B3GALT1: variants seen among roughly 807,000 people sequenced by gnomAD.
The protein encoded by B3GALT1 is UDP-Gal:betaGlcNAc beta 1,3-galactosyltransferase, polypeptide 1.
Under a neutral mutation model 23.2 loss-of-function variants are expected in B3GALT1, and 10 were observed. The ratio of observed to expected loss-of-function variants is 0.43; its 90% CI spans 0.27 to 0.73. The LOEUF is 0.73. Among genes scored for constraint, B3GALT1 ranks in the 30% least tolerant of loss-of-function variants. The pLI is 0.21. For missense variants in B3GALT1, 299 were observed against 405.4 expected (o/e 0.74, Z 2.25); for synonymous variants, 156 against 141.5 (o/e 1.10, Z -0.73).
chr2:167,809,226 C>T (rs1180340797), intron 3 of B3GALT1, among the ~76,000 whole-genome samples: 4 of 152,044 alleles, frequency 2.6e-5, no homozygotes, highest in Non-Finnish European at 5.9e-5. Flanking sequence ...GCCATGGGTT[C>T]GAAATTCCTC....
intron 3 of B3GALT1, chr2:167,716,067 G>A (rs1687140192): frequency 6.4e-7 from 1 of 1,572,946 alleles, no homozygotes; most frequent in Non-Finnish European, 8.7e-7. Context: ...CTCCTCCATA[G>A]CGCCAAGCTG....
chr2:167,868,658 G>T (rs1690281345), intron 4 of B3GALT1, among the ~76,000 whole-genome samples, 153 bp from the exon 5 acceptor site: 1 of 152,064 alleles, frequency 6.6e-6, no homozygotes, highest in Non-Finnish European at 1.5e-5. Context: ...AAGGGGAGAT[G>T]GTTATGACAG....
intron 2 of B3GALT1, among the ~76,000 whole-genome samples, chr2:167,528,453 C>A (rs914609757): frequency 6.6e-6 from 1 of 152,140 alleles, no homozygotes; most frequent in Non-Finnish European, 1.5e-5. Flanking sequence ...CTGTTTATTT[C>A]CTGTAAAGCA....
intron 2 of B3GALT1, among the ~76,000 whole-genome samples, chr2:167,617,210 C>T (rs1218000555): frequency 6.6e-6 from 1 of 152,090 alleles, no homozygotes. Flanking sequence ...TCACATTCAT[C>T]ATCCACATTA....
At chr2:167,831,731 A>T (rs1449010355) in intron 4 of B3GALT1, among the ~76,000 whole-genome samples, 1 of 152,214 alleles carries the variant, frequency 6.6e-6, no homozygotes, top group Non-Finnish European at 1.5e-5. Context: ...AACACAGAGA[A>T]ATATAAATGA....
chr2:167,623,498 A>C (rs548642083), intron 2 of B3GALT1, among the ~76,000 whole-genome samples: 23 of 152,092 alleles, frequency 1.5e-4, no homozygotes, highest in Non-Finnish European at 3.1e-4. Flanking sequence ...AAACTTACAA[A>C]AGAACAGAAA....
chr2:167,595,460 A>AT (rs1181475395), intron 2 of B3GALT1, among the ~76,000 whole-genome samples: 2 of 152,192 alleles, frequency 1.3e-5, no homozygotes, highest in East Asian at 3.8e-4. Context: ...GTTGGATAAA[A>AT]TTTTGAAATA....
chr2:167,516,186 T>G (rs1187803254), intron 2 of B3GALT1, among the ~76,000 whole-genome samples: 3 of 152,104 alleles, frequency 2.0e-5, no homozygotes, highest in Non-Finnish European at 1.5e-5. Flanking sequence ...AACATAATTT[T>G]TTTTCTGCTA....
chr2:167,843,020 CA>C, intron 4 of B3GALT1, among the ~76,000 whole-genome samples: 1 of 152,282 alleles, frequency 6.6e-6, no homozygotes, highest in East Asian at 1.9e-4. Context: ...AGCAGTGATA[CA>C]GCTAGTAAAT....
chr2:167,732,254 T>G (rs904366474), intron 3 of B3GALT1, among the ~76,000 whole-genome samples: 1 of 152,180 alleles, frequency 6.6e-6, no homozygotes, highest in Non-Finnish European at 1.5e-5. Context: ...AAATTGGACA[T>G]GTGGATAAGC....
At chr2:167,657,121 G>C (rs941465525) in intron 3 of B3GALT1, among the ~76,000 whole-genome samples, 2 of 152,120 alleles carry the variant, frequency 1.3e-5, no homozygotes, top group Admixed American at 1.3e-4. Flanking sequence ...TGTGCTTACT[G>C]GGGAGTGCAG....
chr2:167,321,455 A>T (rs1477006401), intron 1 of B3GALT1, among the ~76,000 whole-genome samples: 1 of 152,026 alleles, frequency 6.6e-6, no homozygotes, highest in Non-Finnish European at 1.5e-5. Context: ...AACAGCTTTG[A>T]ATTCCACCTC....
intron 1 of B3GALT1, among the ~76,000 whole-genome samples, chr2:167,443,644 G>C (rs866450109): frequency 2.6e-5 from 4 of 152,154 alleles, no homozygotes; most frequent in Admixed American, 1.3e-4. Context: ...TTGTGAATGG[G>C]AGTTCACTCA....
chr2:167,845,165 T>C (rs1304278693), intron 4 of B3GALT1, among the ~76,000 whole-genome samples: 3 of 152,076 alleles, frequency 2.0e-5, no homozygotes, highest in Non-Finnish European at 4.4e-5. Context: ...CCCACCCTGG[T>C]AGCTGAAGAC....
At chr2:167,433,015 T>G (rs1295518684) in intron 1 of B3GALT1, among the ~76,000 whole-genome samples, 1 of 152,234 alleles carries the variant, frequency 6.6e-6, no homozygotes, top group Non-Finnish European at 1.5e-5. Flanking sequence ...TATAATGATA[T>G]GTATCTAGCA....
At chr2:167,566,964 A>G (rs1199948523) in intron 2 of B3GALT1, among the ~76,000 whole-genome samples, 1 of 152,234 alleles carries the variant, frequency 6.6e-6, no homozygotes, top group Non-Finnish European at 1.5e-5. Context: ...AGAGATTCCA[A>G]TACCTCTTGC....
chr2:167,792,952 T>C (rs1238205937), intron 3 of B3GALT1, among the ~76,000 whole-genome samples: 1 of 151,680 alleles, frequency 6.6e-6, no homozygotes, highest in East Asian at 1.9e-4. Flanking sequence ...CTCACTTATG[T>C]GGTTCTGGGA....
intron 3 of B3GALT1, among the ~76,000 whole-genome samples, chr2:167,762,557 A>AC (rs1687912594): frequency 6.6e-6 from 1 of 151,564 alleles, no homozygotes; most frequent in Non-Finnish European, 1.5e-5. Context: ...CTTTGTGAAT[A>AC]CAAAGGAAGT....
chr2:167,672,399 A>G (rs746811819), intron 3 of B3GALT1, among the ~76,000 whole-genome samples: 1 of 152,182 alleles, frequency 6.6e-6, no homozygotes, highest in Non-Finnish European at 1.5e-5. Context: ...TTGGGTTTAC[A>G]TCCTCTGATC....
Sources: allele counts gnomAD v4.1 joint callset (sites outside exome capture counted in the v4.1 genomes callset), GRCh38; gene constraint gnomAD v4.1.1; transcripts MANE v1.5; gene names NCBI Gene and HGNC (gene_info 2026-07-23, HGNC 2026-07-21).